Variants in CNTRL observed in about 807,000 individuals in gnomAD.
The protein encoded by CNTRL is centriolin.
A neutral mutation model predicts 303.7 loss-of-function variants in CNTRL; 233 were observed. That is an observed-to-expected ratio of 0.77 (90% CI 0.69 to 0.86). The LOEUF (loss-of-function observed/expected upper bound fraction) is 0.86, where lower values mean the gene tolerates loss of function less well. Ranked by LOEUF, CNTRL falls within the 40% of genes least tolerant of loss-of-function variation. The pLI is 0.00. For missense variants in CNTRL, 2,524 were observed against 2,650.6 expected, an observed-to-expected ratio of 0.95 and a Z score of 1.05; for synonymous variants, 900 against 922.2, an observed-to-expected ratio of 0.98 and a Z score of 0.44.
At chr9:121,085,839 G>A (rs1050992556) in intron 2 of CNTRL, among the ~76,000 whole-genome samples, 6 of 152,222 alleles carry the variant, frequency 3.9e-5, no homozygotes, top group African/African-American at 1.4e-4. Context: ...GTGGTGGGGA[G>A]GCCAGAAAGT....
chr9:121,146,863 G>A (rs1289574194), intron 23 of CNTRL, among the ~76,000 whole-genome samples: 1 of 152,202 alleles, frequency 6.6e-6, no homozygotes, highest in African/African-American at 2.4e-5. Context: ...AGTGAGCGTT[G>A]GGCTTTTAGG....
chr9:121,094,066 C>T (rs1463467787), intron 4 of CNTRL, among the ~76,000 whole-genome samples: 1 of 151,926 alleles, frequency 6.6e-6, no homozygotes, highest in African/African-American at 2.4e-5. Context: ...GCCAAGATTG[C>T]GCCACTGCAC....
chr9:121,115,068 G>A, intron 10 of CNTRL, 23 bp from the exon 11 acceptor site: 1 of 1,423,772 alleles, frequency 7.0e-7, no homozygotes, highest in Non-Finnish European at 9.7e-7. Flanking sequence ...CATATTATGT[G>A]AGCATGGTTT....
intron 27 of CNTRL, among the ~76,000 whole-genome samples, chr9:121,156,805 T>A (rs574674693): frequency 6.6e-6 from 1 of 152,322 alleles, no homozygotes; most frequent in Non-Finnish European, 1.5e-5. Context: ...ATTTTAAACA[T>A]TTGCAAAGTA....
At chr9:121,121,625 C>T (rs1030555208) in intron 12 of CNTRL, 1 of 165,084 alleles carries the variant, frequency 6.1e-6, no homozygotes, top group African/African-American at 2.4e-5. Context: ...GGTAACTGTT[C>T]GCTAGAGGGA....
chr9:121,135,899 G>T lies in CNTRL; in HGVS notation c.2119G>T (p.Glu707Ter). 1 of 1,614,080 alleles carries T rather than the reference G, an allele frequency of 6.2e-7. No homozygotes were observed. Residue 707 changes from glutamate to a stop codon, truncating the protein, a stop_gained, in exon 15 of 44, where the codon GAG (glutamate) becomes TAG (stop). Transcript: ENST00000373855. LOFTEE classifies it high-confidence loss of function. ...TQGDLSAYEA[E>*]LEARLNLRDA... ...GGGAGATCTCAGTGCCTATGAAGCT[G>T]AGCTAGAGGCTCGGCTAAACCTAAG...
chr9:121,115,472 A>G (rs1009125386), intron 11 of CNTRL, among the ~76,000 whole-genome samples: 5 of 152,082 alleles, frequency 3.3e-5, no homozygotes, highest in African/African-American at 9.7e-5. Flanking sequence ...TTCCTGATCT[A>G]TCTCTTCTAT....
At position 121,138,507 on chromosome 9, in the gene CNTRL, GT is replaced by G. The variant is rs747704464; in HGVS notation, c.2203-34del. On this transcript the variant is annotated intron_variant, in intron 15 of 43. Transcript: ENST00000373855. Reference sequence around the variant, plus strand: ...CCTTTTAAAATCATAAATTATTGCTGTTTTACACTTTCATGTCATTGCTTCC... The same window carrying G: ...CCTTTTAAAATCATAAATTATTGCTGTTTACACTTTCATGTCATTGCTTCC... 15 of 1,596,174 alleles carry G rather than the reference GT, an allele frequency of 9.4e-6. No homozygotes were observed. In the South Asian group the frequency reaches 1.6e-4, roughly 17 times the overall value.
intron 11 of CNTRL, among the ~76,000 whole-genome samples, chr9:121,115,624 CAT>C (rs2049942494): frequency 1.3e-5 from 2 of 151,574 alleles, no homozygotes; most frequent in Admixed American, 6.6e-5. Flanking sequence ...ATTGATGTAA[CAT>C]ATTCTCAAAA....
rs10985155 is a variant in CNTRL at position 121,106,389 on chromosome 9, C to T, written c.809-1413C>T. 4.3e-4 allele frequency among the ~76,000 whole-genome samples: 65 copies of T among 149,974 alleles called. No individual in the cohort carries two copies. In the East Asian group the frequency reaches 0.012, roughly 28 times the overall value. ...CAAAGTGGAGAAACAAGACATGGCTCAATTCTTTTGGTTCTGGAGAAGACA... is the reference window on the plus strand; with the variant it reads ...CAAAGTGGAGAAACAAGACATGGCTTAATTCTTTTGGTTCTGGAGAAGACA... On this transcript the variant is annotated intron_variant, in intron 7 of 43. Coordinates refer to ENST00000373855, the MANE Select transcript of CNTRL (RefSeq NM_007018.6).
intron 12 of CNTRL, chr9:121,121,738 T>A (rs1486779544): frequency 2.0e-6 from 2 of 980,166 alleles, no homozygotes; most frequent in Middle Eastern, 5.2e-4. Flanking sequence ...CCGCAGAGGC[T>A]GCTGGTGATT....
chr9:121,141,260 A>G (rs1440974601), intron 17 of CNTRL, 121 bp from the exon 18 acceptor site: 8 of 734,384 alleles, frequency 1.1e-5, no homozygotes, highest in African/African-American at 3.6e-5. Flanking sequence ...GTAAATTGCT[A>G]TAGATTGACA....
At chr9:121,151,387 CTTTTTTTT>C (rs71370632) in intron 25 of CNTRL, among the ~76,000 whole-genome samples, 1 of 90,430 alleles carries the variant, frequency 1.1e-5, no homozygotes, top group African/African-American at 4.1e-5. Context: ...TTTTCTTCTT[CTTTTTTTT>C]TTTTTTTTTT....
At position 121,146,133 on chromosome 9, in the gene CNTRL, T is replaced by G; in HGVS notation, c.3336T>G (p.Val1112=). The change falls in exon 23 of 44, where the codon GTT becomes GTG. Residue 1112 remains valine, a synonymous_variant. Transcript: ENST00000373855. ...GSDNKGGFEN[V]LEEIAELRRE... The stretch of plus-strand genomic sequence containing the variant: ...ACAACAAAGGAGGCTTTGAAAATGT[T>G]TTAGAAGAAATTGCTGAACTTCGAC... The G allele has an allele frequency of 6.2e-7, 1 of 1,611,908 alleles. No homozygotes were observed. Among genetic ancestry groups the G allele is most frequent in the East Asian group, 2.2e-5 (1 of 44,846 alleles).
intron 22 of CNTRL, 21 bp from the exon 23 acceptor site, chr9:121,146,087 T>C: frequency 6.3e-7 from 1 of 1,575,614 alleles, no homozygotes; most frequent in Non-Finnish European, 8.6e-7. Context: ...ATCAATTTCA[T>C]AGAATGACTT....
chr9:121,148,761 G>C lies in CNTRL; in HGVS notation c.3549G>C (p.Gly1183=). 1 of 1,614,076 alleles carries C rather than the reference G, an allele frequency of 6.2e-7. No homozygotes were observed. ...CTCCTGTTAGAAAACCACGCCCTGG[G>C]CAGCAGGATGGGAAGGAAGGCAGTC... ...ASTPVRKPRP[G]QQDGKEGSQP... Residue 1183 remains glycine, a synonymous_variant, in exon 24 of 44, where the codon GGG becomes GGC. Coordinates refer to ENST00000373855, the MANE Select transcript of CNTRL (RefSeq NM_007018.6).
chr9:121,128,048 T>C (rs1257892965), intron 14 of CNTRL, among the ~76,000 whole-genome samples: 2 of 152,214 alleles, frequency 1.3e-5, no homozygotes, highest in Non-Finnish European at 2.9e-5. Flanking sequence ...CTATCGTTGA[T>C]GGACATTTGG....
In CNTRL at chr9:121,160,161, G is replaced by T; in HGVS notation, c.4948G>T (p.Glu1650Ter). The T allele has an allele frequency of 6.7e-7, 1 of 1,493,546 alleles. No individual in the cohort carries two copies. Among genetic ancestry groups the T allele is most frequent in the Admixed American group, 2.5e-5 (1 of 39,690 alleles). 92.5% of individuals were successfully genotyped at this position (1,493,546 alleles called of 1,614,324 possible). Reference protein sequence around the residue: ...NHIREVKSLLEELSFQKGELN... With the variant: ...NHIREVKSLL ...AACACAGGAAGTAAAATCTCTTCTG[G>T]AAGAACTGAGTTTTCAGAAAGGAGA... The change falls in exon 32 of 44, where the codon GAA (glutamate) becomes TAA (stop). Residue 1650 changes from glutamate (E) to a stop codon, truncating the protein, a stop_gained. Coordinates refer to ENST00000373855, the MANE Select transcript of CNTRL (RefSeq NM_007018.6). LOFTEE classifies it high-confidence loss of function.
chr9:121,176,034 C>T (rs1001499501), intron 43 of CNTRL, among the ~76,000 whole-genome samples: 1 of 152,218 alleles, frequency 6.6e-6, no homozygotes, highest in South Asian at 2.1e-4. Context: ...ATGAAATATA[C>T]TCATGGAACT....
Sources: gnomAD v4.1 joint callset for allele counts (sites outside exome capture counted in the v4.1 genomes callset) on GRCh38, gnomAD v4.1.1 for gene constraint, MANE v1.5 for transcripts, NCBI Gene and HGNC (gene_info 2026-07-23, HGNC 2026-07-21) for gene names.